The following WNT11 variants were observed in gnomAD, a reference collection of about 807,000 sequenced individuals.
WNT11 encodes the protein protein Wnt-11.
A neutral mutation model predicts 35.6 loss-of-function variants in WNT11; 20 were observed. The ratio of observed to expected loss-of-function variants is 0.56; its 90% CI spans 0.40 to 0.82. The LOEUF (loss-of-function observed/expected upper bound fraction) is 0.82, where lower values mean the gene tolerates loss of function less well. Ranked by LOEUF, WNT11 falls within the 40% of genes least tolerant of loss-of-function variation. WNT11 has a pLI of 0.00. For missense variants in WNT11, 459 were observed against 504.4 expected (o/e 0.91, Z 0.86); for synonymous variants, 200 against 211.9 (o/e 0.94, Z 0.49).
chr11:76,190,123 G>A (rs892680935), intron 4 of WNT11, among the ~76,000 whole-genome samples: 16 of 151,998 alleles, frequency 1.1e-4, no homozygotes, highest in African/African-American at 3.6e-4. Flanking sequence ...GAGATCACTC[G>A]ACAACCCTGT....
At chr11:76,209,211 C>G (rs540695865), upstream of WNT11, among the ~76,000 whole-genome samples, 48 of 152,280 alleles carry the variant, frequency 3.2e-4, 1 homozygote, top group Admixed American at 2.5e-3. Flanking sequence ...GGAGAGCGAG[C>G]GGTCACCTCC....
At chr11:76,191,973 G>A (rs888439928) in intron 3 of WNT11, 117 bp from the exon 4 acceptor site, 1 of 1,276,318 alleles carries the variant, frequency 7.8e-7, no homozygotes, top group African/African-American at 1.5e-5. Context: ...GCCTGCTGGA[G>A]TCTGAAGTGA....
chr11:76,207,770 C>G (rs1198757935), upstream of WNT11, among the ~76,000 whole-genome samples: 3 of 152,152 alleles, frequency 2.0e-5, no homozygotes, highest in Non-Finnish European at 4.4e-5. Context: ...CGCCCTCGGG[C>G]CGCGGAGGAG....
At chr11:76,202,044 G>A (rs1286449640) in intron 1 of WNT11, among the ~76,000 whole-genome samples, 1 of 152,158 alleles carries the variant, frequency 6.6e-6, no homozygotes, top group Non-Finnish European at 1.5e-5. Context: ...AGTGACCTGG[G>A]CCCCAAGTTC....
intron 1 of WNT11, among the ~76,000 whole-genome samples, chr11:76,204,152 T>C (rs1213961697): frequency 2.0e-5 from 3 of 152,140 alleles, no homozygotes; most frequent in Non-Finnish European, 4.4e-5. Context: ...TACATAGATA[T>C]ATGCACGTGG....
At chr11:76,198,557 C>T (rs1953323730) in intron 1 of WNT11, among the ~76,000 whole-genome samples, 1 of 152,206 alleles carries the variant, frequency 6.6e-6, no homozygotes, top group Non-Finnish European at 1.5e-5. Flanking sequence ...ATGCCTTTCC[C>T]CCTGCTTCTG....
At chr11:76,192,051 G>A (rs1953194356) in intron 3 of WNT11, among the ~76,000 whole-genome samples, 195 bp from the exon 4 acceptor site, 2 of 152,292 alleles carry the variant, frequency 1.3e-5, no homozygotes, top group East Asian at 1.9e-4. Flanking sequence ...GCACAGCTGA[G>A]GGGCAGGAAG....
At chr11:76,206,670 C>T, upstream of WNT11, 1 of 648,388 alleles carries the variant, frequency 1.5e-6, no homozygotes, top group Non-Finnish European at 2.1e-6. Context: ...GAATTAGGCG[C>T]GGCCGAAGGC....
At chr11:76,192,137 T>C (rs542331277) in intron 3 of WNT11, among the ~76,000 whole-genome samples, 4 of 152,222 alleles carry the variant, frequency 2.6e-5, no homozygotes, top group Non-Finnish European at 4.4e-5. Context: ...ATAATGGAGA[T>C]TGATCACCAC....
Position 76,206,312 on chromosome 11 carries a change from G to A in WNT11, c.83+13C>T, listed in dbSNP as rs1258416345. 2.0e-6 allele frequency: 3 copies of A among 1,535,866 alleles called. No homozygotes were observed. The highest frequency in any genetic ancestry group is 2.0e-5 in the Admixed American group (1 of 50,180). ...CCCTGGCCTGTGCGCGTGGACGCGG[G>A]GTCCCTACTCACAGCCACTTGATGC... On this transcript the variant is annotated intron_variant, in intron 1 of 4. Transcript: ENST00000322563.
chr11:76,186,883 A>G lies in WNT11; in HGVS notation c.*182T>C. On this transcript the variant is annotated 3_prime_UTR_variant, in exon 5 of 5. Coordinates refer to ENST00000322563, the MANE Select transcript of WNT11 (RefSeq NM_004626.3). The stretch of plus-strand genomic sequence containing the variant: ...TCCTTTGATGTCCTGCCCTCCTTCC[A>G]GGGTGGCCAGACCTTCTGTTCCTGG... 1 of 877,078 alleles carries G rather than the reference A, an allele frequency of 1.1e-6. No individual in the cohort carries two copies. Among genetic ancestry groups the G allele is most frequent in the Non-Finnish European group, 1.8e-6 (1 of 546,456 alleles). The allele number at this position is 877,078 out of a possible 1,614,324, so 54.3% of individuals were successfully genotyped here.
intron 1 of WNT11, among the ~76,000 whole-genome samples, chr11:76,201,080 A>G (rs1293403326): frequency 6.6e-6 from 1 of 152,134 alleles, no homozygotes; most frequent in Admixed American, 6.5e-5. Flanking sequence ...TGAGCCCTGG[A>G]GCTACCCTGG....
upstream of WNT11, among the ~76,000 whole-genome samples, chr11:76,209,538 G>A (rs1377534075): frequency 6.6e-6 from 1 of 152,196 alleles, no homozygotes; most frequent in Admixed American, 6.5e-5. Flanking sequence ...AGCTGACCCC[G>A]CCAACCAGGG....
Position 76,187,082 on chromosome 11 carries a change from G to T in WNT11, c.1048C>A (p.Arg350Ser), listed in dbSNP as rs756851051. The T allele has an allele frequency of 8.7e-6, 14 of 1,611,008 alleles. No homozygotes were observed. In the Admixed American group the frequency reaches 1.8e-4, roughly 21 times the overall value. The change falls in exon 5 of 5, where the codon CGC (arginine) becomes AGC (serine). Residue 350 changes from arginine to serine, a missense_variant. Arg to Ser is a moderately radical substitution (Grantham distance 110). Coordinates refer to ENST00000322563, the MANE Select transcript of WNT11 (RefSeq NM_004626.3). ...GCAGGGCCTCACTTGCAGACATAGC[G>T]CTCCACGGTACGCTCACACCTGCGG... Reference protein sequence around the residue: ...TCRRCERTVERYVCK With the variant: ...TCRRCERTVESYVCK
chr11:76,206,058 T>G (rs1232341690), intron 1 of WNT11, among the ~76,000 whole-genome samples: 1 of 152,156 alleles, frequency 6.6e-6, no homozygotes, highest in Non-Finnish European at 1.5e-5. Context: ...GGCCAGAAAC[T>G]CCGTGGCCCT....
At chr11:76,193,105 C>T (rs1299446203) in intron 3 of WNT11, among the ~76,000 whole-genome samples, 1 of 152,230 alleles carries the variant, frequency 6.6e-6, no homozygotes, top group East Asian at 1.9e-4. Flanking sequence ...ATGAAGTCAG[C>T]AGGACTGCAG....
At chr11:76,195,274 A>G (rs1354528212) in intron 2 of WNT11, among the ~76,000 whole-genome samples, 2 of 152,224 alleles carry the variant, frequency 1.3e-5, no homozygotes, top group Admixed American at 6.5e-5. Flanking sequence ...TAATCTTATG[A>G]CGAAGTGGGG....
intron 1 of WNT11, among the ~76,000 whole-genome samples, chr11:76,201,486 G>A (rs1054227169): frequency 1.3e-5 from 2 of 152,152 alleles, no homozygotes; most frequent in South Asian, 2.1e-4. Context: ...CATCTTGCTC[G>A]CTTCACTCCA....
Position 76,191,578 on chromosome 11 carries a change from G to A in WNT11, c.876C>T (p.His292=), listed in dbSNP as rs139884639. 44 of 1,610,938 alleles carry A rather than the reference G, an allele frequency of 2.7e-5. No individual in the cohort carries two copies. Among genetic ancestry groups the A allele is most frequent in the Admixed American group, 8.3e-5 (5 of 59,980 alleles). ...GCAGGCCTCACCTGTCTTGTGTCCCGTGGGAGCCCACCTTCTCATTCTTCA... is the reference window on the plus strand; with the variant it reads ...GCAGGCCTCACCTGTCTTGTGTCCCATGGGAGCCCACCTTCTCATTCTTCA... ...FCMKNEKVGS[H]GTQDRQCNKT... Residue 292 remains histidine (H), a synonymous_variant, in exon 4 of 5, where the codon CAC becomes CAT. Coordinates refer to ENST00000322563, the MANE Select transcript of WNT11 (RefSeq NM_004626.3).
Sources: gnomAD v4.1 joint callset for allele counts (sites outside exome capture counted in the v4.1 genomes callset) on GRCh38, gnomAD v4.1.1 for gene constraint, MANE v1.5 for transcripts, NCBI Gene and HGNC (gene_info 2026-07-23, HGNC 2026-07-21) for gene names.